PRH1: variants seen among roughly 807,000 people sequenced by gnomAD.
PRH1 encodes salivary acidic proline-rich phosphoprotein 1/2.
PRH1 carries 7 observed loss-of-function variants against 7.9 expected under a neutral mutation model. The ratio of observed to expected loss-of-function variants is 0.89; its 90% CI spans 0.50 to 1.67. PRH1 has a LOEUF of 1.67. Among genes scored for constraint, PRH1 ranks in the 40% most tolerant of loss-of-function variants. The pLI is 0.00. For synonymous variants in PRH1, 45 were observed against 80.8 expected (o/e 0.56, Z 2.38); for missense variants, 109 against 223.6 (o/e 0.49, Z 3.27).
chr12:11,147,739 T>C lies in PRH1; in HGVS notation n.39+23683A>G, dbSNP rs889289855. 2.6e-5 allele frequency among the ~76,000 whole-genome samples: 4 copies of C among 152,318 alleles called. No individual in the cohort carries two copies. The East Asian group carries it at 7.7e-4, about 29-fold the overall frequency. Reference sequence around the variant, plus strand: ...ACATTAGCTAAAAGTGCTAGAACAATGTTGAGTTCTACAGATGTTAAAGAG... The same window carrying C: ...ACATTAGCTAAAAGTGCTAGAACAACGTTGAGTTCTACAGATGTTAAAGAG... On this transcript the variant is annotated intron_variant and non_coding_transcript_variant, in intron 1 of 1. Transcript: ENST00000541175.
chr12:11,070,505 C>T (rs1006107917), intron 1 of PRH1, among the ~76,000 whole-genome samples: 4 of 151,922 alleles, frequency 2.6e-5, no homozygotes, highest in South Asian at 4.1e-4. Context: ...CCAAAGTGCC[C>T]GCTGTGGTCT....
At chr12:11,171,009 G>A (rs1263546028) in intron 1 of PRH1, among the ~76,000 whole-genome samples, 1 of 152,202 alleles carries the variant, frequency 6.6e-6, no homozygotes, top group African/African-American at 2.4e-5. Context: ...TACAAATTTT[G>A]TGCCCTACGG....
chr12:11,127,623 C>T (rs113945861), intron 1 of PRH1, among the ~76,000 whole-genome samples: 480 of 152,178 alleles, frequency 3.2e-3, no homozygotes, highest in South Asian at 0.014. Context: ...CACATTCACA[C>T]ACACACACAT....
intron 2 of PRH1, among the ~76,000 whole-genome samples, chr12:10,911,692 C>A (rs1043167701): frequency 6.6e-5 from 10 of 152,066 alleles, no homozygotes; most frequent in African/African-American, 9.7e-5. Flanking sequence ...ATTTAGCTAA[C>A]CTCATATCAT....
chr12:10,928,776 C>A (rs867756137), intron 2 of PRH1, among the ~76,000 whole-genome samples: 1 of 152,146 alleles, frequency 6.6e-6, no homozygotes, highest in Non-Finnish European at 1.5e-5. Context: ...TCCATGCACA[C>A]ACATCATGAG....
At chr12:11,100,956 G>A (rs1438389577) in intron 1 of PRH1, among the ~76,000 whole-genome samples, 1 of 152,070 alleles carries the variant, frequency 6.6e-6, no homozygotes, top group African/African-American at 2.4e-5. Context: ...ATTTCATTTA[G>A]AGACACATTT....
At chr12:11,048,081 C>T (rs528454383), upstream of PRH1, among the ~76,000 whole-genome samples, 4 of 133,174 alleles carry the variant, frequency 3.0e-5, no homozygotes, top group South Asian at 2.5e-4. Context: ...GAAATATACT[C>T]GGCTTCATAA....
At chr12:11,056,461 A>T (rs1343512482) in intron 1 of PRH1, among the ~76,000 whole-genome samples, 1 of 152,180 alleles carries the variant, frequency 6.6e-6, no homozygotes, top group Non-Finnish European at 1.5e-5. Context: ...AGGAAACCAG[A>T]TTCCCTGCTT....
chr12:11,033,540 G>A (rs1190808797), intron 1 of PRH1, among the ~76,000 whole-genome samples: 1 of 152,118 alleles, frequency 6.6e-6, no homozygotes, highest in Non-Finnish European at 1.5e-5. Context: ...TGTTGTGTCA[G>A]GAATTCAGGA....
intron 1 of PRH1, chr12:10,986,208 T>C: frequency 6.2e-7 from 1 of 1,614,088 alleles, no homozygotes; most frequent in Non-Finnish European, 8.5e-7. Flanking sequence ...GGTGCTGAGA[T>C]CTTGCGATCC....
chr12:10,940,940 G>A (rs538135321), intron 2 of PRH1, among the ~76,000 whole-genome samples: 11 of 152,262 alleles, frequency 7.2e-5, no homozygotes, highest in East Asian at 1.9e-4. Flanking sequence ...GGAAATTACC[G>A]TATATTTAGT....
chr12:10,996,900 T>C (rs767900594), intron 1 of PRH1: 2 of 1,507,650 alleles, frequency 1.3e-6, no homozygotes, highest in South Asian at 2.7e-5. Context: ...CCAGACACCA[T>C]CAATTTGTTT....
At chr12:11,129,772 C>A (rs1169280351) in intron 1 of PRH1, among the ~76,000 whole-genome samples, 1 of 152,286 alleles carries the variant, frequency 6.6e-6, no homozygotes. Flanking sequence ...AATAGCACTG[C>A]TTCACTGTTG....
intron 1 of PRH1, among the ~76,000 whole-genome samples, chr12:11,052,531 T>C (rs1295583801): frequency 1.3e-5 from 2 of 152,184 alleles, no homozygotes; most frequent in Non-Finnish European, 2.9e-5. Context: ...ACTAAAGATA[T>C]ATGCTGGGAT....
At chr12:10,949,650 A>C (rs1030968259) in intron 2 of PRH1, among the ~76,000 whole-genome samples, 1 of 152,012 alleles carries the variant, frequency 6.6e-6, no homozygotes, top group African/African-American at 2.4e-5. Context: ...ATTTTACTTT[A>C]TTTTCTGATT....
At chr12:10,930,412 G>C (rs78583659) in intron 2 of PRH1, 2 of 1,493,352 alleles carry the variant, frequency 1.3e-6, no homozygotes, top group East Asian at 4.5e-5. Context: ...GCTAATATCA[G>C]TGCCCCAGAG....
intron 1 of PRH1, among the ~76,000 whole-genome samples, chr12:10,995,155 G>A (rs1487671926): frequency 6.6e-6 from 1 of 151,988 alleles, no homozygotes; most frequent in African/African-American, 2.4e-5. Flanking sequence ...CATTTTCATT[G>A]GTTCACCACC....
chr12:10,920,827 T>A (rs2135846961), intron 2 of PRH1, among the ~76,000 whole-genome samples: 1 of 152,260 alleles, frequency 6.6e-6, no homozygotes, highest in East Asian at 1.9e-4. Context: ...TGAAAAGCTC[T>A]ATGTTACACT....
At chr12:10,910,698 T>C (rs1949886361) in intron 2 of PRH1, among the ~76,000 whole-genome samples, 1 of 152,110 alleles carries the variant, frequency 6.6e-6, no homozygotes, top group African/African-American at 2.4e-5. Flanking sequence ...TTACCAAAAT[T>C]CTGAAAACGT....
Sources: gnomAD v4.1 joint callset for allele counts (sites outside exome capture counted in the v4.1 genomes callset) on GRCh38, gnomAD v4.1.1 for gene constraint, MANE v1.5 for transcripts, NCBI Gene and HGNC (gene_info 2026-07-23, HGNC 2026-07-21) for gene names.